Variants in THADA observed in about 807,000 individuals in gnomAD.
THADA encodes tRNA (32-2'-O)-methyltransferase regulator THADA.
THADA carries 213 observed loss-of-function variants against 219.8 expected under a neutral mutation model. That is an observed-to-expected ratio of 0.97 (90% CI 0.87 to 1.09). The LOEUF is 1.09. Among genes scored for constraint, THADA ranks in the 50% least tolerant of loss-of-function variants. The pLI is 0.00. For synonymous variants in THADA, 1,018 were observed against 828.9 expected (o/e 1.23, Z -3.92); for missense variants, 2,956 against 2,311.3 (o/e 1.28, Z -5.72).
intron 26 of THADA, 55 bp downstream of exon 26, chr2:43,485,179 C>A: frequency 7.2e-7 from 1 of 1,395,210 alleles, no homozygotes; most frequent in Non-Finnish European, 1.0e-6. Context: ...TGTTTTTGGC[C>A]AGGACAATAT....
At chr2:43,271,962 T>C (rs1049270344) in intron 36 of THADA, among the ~76,000 whole-genome samples, 17 of 152,140 alleles carry the variant, frequency 1.1e-4, no homozygotes, top group Admixed American at 2.0e-4. Flanking sequence ...AACAAATAAA[T>C]AAAATTATGC....
intron 29 of THADA, among the ~76,000 whole-genome samples, chr2:43,366,942 C>CA (rs138662962): frequency 0.065 from 9,830 of 152,160 alleles, 400 homozygotes; most frequent in Non-Finnish European, 0.098. Context: ...GGAAGTAAAT[C>CA]AAAAGTTCAC....
At chr2:43,284,382 C>T (rs907632666) in intron 35 of THADA, among the ~76,000 whole-genome samples, 3 of 152,190 alleles carry the variant, frequency 2.0e-5, no homozygotes, top group African/African-American at 7.2e-5. Flanking sequence ...GCTCTAGCTC[C>T]AGCTGTGACT....
At chr2:43,376,366 AT>A (rs1259997595) in intron 29 of THADA, among the ~76,000 whole-genome samples, 1 of 152,208 alleles carries the variant, frequency 6.6e-6, no homozygotes, top group African/African-American at 2.4e-5. Context: ...GGCTTAAGTC[AT>A]TTTCAAAACT....
intron 22 of THADA, among the ~76,000 whole-genome samples, chr2:43,512,966 C>T (rs1005322066): frequency 3.3e-5 from 5 of 152,158 alleles, no homozygotes; most frequent in African/African-American, 1.2e-4. Flanking sequence ...TTATTTTTCC[C>T]AACTAACAGA....
intron 26 of THADA, chr2:43,463,086 G>C (rs994174453): frequency 4.6e-5 from 7 of 152,124 alleles, no homozygotes; most frequent in African/African-American, 1.7e-4. Flanking sequence ...TGCTTCTCTG[G>C]GGTGAACACC....
intron 29 of THADA, among the ~76,000 whole-genome samples, chr2:43,372,966 C>T (rs571070406): frequency 6.6e-6 from 1 of 152,198 alleles, no homozygotes; most frequent in Non-Finnish European, 1.5e-5. Context: ...GCAGGGATTA[C>T]AGGCATGAGC....
In THADA at chr2:43,342,028, T is replaced by C. The variant is rs77050940; in HGVS notation, c.4343+2094A>G. Among the ~76,000 whole-genome samples the C allele has an allele frequency of 7.3e-3, 1,110 of 152,284 alleles. 19 individuals are homozygous for C. The highest frequency in any genetic ancestry group is 0.026 in the African/African-American group (1,081 of 41,540). ...GAGTTCGAGACCAGCCTGGGCAATCTGTTGAAACTCCTTCTCCACCAAAAA... is the reference window on the plus strand; with the variant it reads ...GAGTTCGAGACCAGCCTGGGCAATCCGTTGAAACTCCTTCTCCACCAAAAA... On this transcript the variant is annotated intron_variant, in intron 30 of 37. Transcript: ENST00000405975.
chr2:43,533,186 G>A (rs1186578003), intron 21 of THADA, among the ~76,000 whole-genome samples: 2 of 152,190 alleles, frequency 1.3e-5, no homozygotes, highest in Non-Finnish European at 2.9e-5. Context: ...AAACCACAAT[G>A]AGATACCATC....
chr2:43,435,428 C>T, intron 26 of THADA, among the ~76,000 whole-genome samples: 1 of 141,488 alleles, frequency 7.1e-6, no homozygotes, highest in East Asian at 2.3e-4. Flanking sequence ...CATTGCATTC[C>T]AACCTGGGCA....
At chr2:43,344,052 T>C (rs1667352212) in intron 30 of THADA, 70 bp downstream of exon 30, 1 of 1,134,312 alleles carries the variant, frequency 8.8e-7, no homozygotes. Context: ...TCCCCACAAC[T>C]AGAAACAGCA....
At chr2:43,320,279 C>T (rs1272900524) in intron 31 of THADA, among the ~76,000 whole-genome samples, 167 bp downstream of exon 31, 1 of 152,158 alleles carries the variant, frequency 6.6e-6, no homozygotes, top group Non-Finnish European at 1.5e-5. Flanking sequence ...AACAAGTTTC[C>T]CTGACAAACT....
At chr2:43,264,802 A>G (rs1048794551) in intron 36 of THADA, among the ~76,000 whole-genome samples, 11 of 152,348 alleles carry the variant, frequency 7.2e-5, no homozygotes, top group Admixed American at 6.5e-4. Context: ...CAGGAAGGTC[A>G]GCGCTTTGGA....
intron 31 of THADA, among the ~76,000 whole-genome samples, chr2:43,306,989 T>C (rs187008612): frequency 2.0e-5 from 3 of 152,326 alleles, no homozygotes; most frequent in African/African-American, 4.8e-5. Context: ...CACTTTACAG[T>C]TGAAGAACCA....
chr2:43,233,693 C>G (rs1667706958), intron 36 of THADA, among the ~76,000 whole-genome samples: 1 of 152,002 alleles, frequency 6.6e-6, no homozygotes, highest in Admixed American at 6.6e-5. Flanking sequence ...CTTGGGGAAA[C>G]CATTGCTTAT....
chr2:43,325,164 AAGGC>A (rs1315242681), intron 30 of THADA, among the ~76,000 whole-genome samples: 1 of 152,212 alleles, frequency 6.6e-6, no homozygotes, highest in African/African-American at 2.4e-5. Flanking sequence ...GGAGAGGCAC[AAGGC>A]AGGCAGAGGG....
At chr2:43,571,130 CCT>C (rs1277882887) in intron 13 of THADA, among the ~76,000 whole-genome samples, 6 of 152,130 alleles carry the variant, frequency 3.9e-5, no homozygotes, top group African/African-American at 7.2e-5. Flanking sequence ...GTGGTGTGCC[CCT>C]GTCATCCCAG....
At position 43,286,970 on chromosome 2, in the gene THADA, G is replaced by C. The variant is rs1674100819; in HGVS notation, c.5102C>G (p.Ala1701Gly). 3.1e-6 allele frequency: 5 copies of C among 1,613,948 alleles called. No homozygotes were observed. Among genetic ancestry groups the C allele is most frequent in the Non-Finnish European group, 4.2e-6 (5 of 1,179,862 alleles). ...EDHLPTESRL[A>G]VVEVLTSTTP... ...AGTACTGGTGAGGACTTCAACGACG[G>C]CCAGCCTAGACTCTGTAGGAAGATG... Residue 1701 changes from alanine to glycine, a missense_variant, in exon 35 of 38, where the codon GCC (alanine) becomes GGC (glycine). Ala to Gly is a moderately conservative substitution (Grantham distance 60, BLOSUM62 0). Coordinates refer to ENST00000405975, the MANE Select transcript of THADA (RefSeq NM_022065.5).
intron 26 of THADA, among the ~76,000 whole-genome samples, chr2:43,438,516 T>C (rs1047624862): frequency 4.6e-5 from 7 of 152,166 alleles, no homozygotes; most frequent in Non-Finnish European, 8.8e-5. Flanking sequence ...CCAAGGTAAA[T>C]GGCCTAGATA....
Sources: allele counts gnomAD v4.1 joint callset (sites outside exome capture counted in the v4.1 genomes callset), GRCh38; gene constraint gnomAD v4.1.1; transcripts MANE v1.5; gene names NCBI Gene and HGNC (gene_info 2026-07-23, HGNC 2026-07-21).